The following SEPTIN6 variants were observed in gnomAD, a reference collection of about 807,000 sequenced individuals.
SEPTIN6 encodes septin-6.
A neutral mutation model predicts 33.6 loss-of-function variants in SEPTIN6; 8 were observed. The ratio of observed to expected loss-of-function variants is 0.24; its 90% CI spans 0.14 to 0.43. The LOEUF is 0.43. Ranked by LOEUF, SEPTIN6 falls within the 20% of genes least tolerant of loss-of-function variation. SEPTIN6 has a pLI of 1.00. For synonymous variants in SEPTIN6, 131 were observed against 140.0 expected, an observed-to-expected ratio of 0.94 and a Z score of 0.45; for missense variants, 250 against 340.8, an observed-to-expected ratio of 0.73 and a Z score of 2.10.
At chrX:119,623,122 G>T (rs768523792) in intron 10 of SEPTIN6, among the ~76,000 whole-genome samples, 2 of 112,038 alleles carry the variant, frequency 1.8e-5, no homozygotes, top group Non-Finnish European at 3.8e-5. Flanking sequence ...AATCAGTTTG[G>T]TGACTAACAG....
chrX:119,662,145 G>T (rs909745717), intron 3 of SEPTIN6, among the ~76,000 whole-genome samples: 1 of 109,753 alleles, frequency 9.1e-6, no homozygotes, highest in African/African-American at 3.3e-5. Context: ...TGAGGTTTTT[G>T]TCTTTAGCCC....
chrX:119,648,917 C>T (rs2054308259), intron 5 of SEPTIN6, among the ~76,000 whole-genome samples: 1 of 111,481 alleles, frequency 9.0e-6, no homozygotes, highest in Non-Finnish European at 1.9e-5. Context: ...TATTAGCTGT[C>T]TCCTTGAAAT....
chrX:119,660,176 C>T (rs895772988), intron 3 of SEPTIN6, among the ~76,000 whole-genome samples: 1 of 112,728 alleles, frequency 8.9e-6, no homozygotes, highest in Non-Finnish European at 1.9e-5. Flanking sequence ...TGCCCTGCCT[C>T]CAGCATCCTT....
intron 3 of SEPTIN6, among the ~76,000 whole-genome samples, chrX:119,657,521 C>T (rs1489907160): frequency 1.8e-5 from 2 of 110,758 alleles, no homozygotes; most frequent in Non-Finnish European, 3.8e-5. Flanking sequence ...TCTTTTTTAT[C>T]TATTTTTTAG....
Position 119,690,415 on chromosome X carries a change from G to A in SEPTIN6, c.30+2661C>T, listed in dbSNP as rs767520329. Among the ~76,000 whole-genome samples the A allele has an allele frequency of 4.6e-5, 5 of 107,556 alleles. No individual in the cohort carries two copies. In the South Asian group the frequency reaches 2.1e-3, roughly 45 times the overall value. The allele number at this position is 107,556 out of a possible 115,157, so 93.4% of individuals were successfully genotyped here. A position where few individuals can be genotyped will look rare whatever the true frequency, so the allele number is the denominator to read the frequency against. Reference sequence around the variant, plus strand: ...AGGGCACTTACTCGCATGGTACCACGTCTCAGAGCTCATTAAAAAGAATTC... The same window carrying A: ...AGGGCACTTACTCGCATGGTACCACATCTCAGAGCTCATTAAAAAGAATTC... On this transcript the variant is annotated intron_variant, in intron 1 of 10. Coordinates refer to ENST00000394610, the MANE Select transcript of SEPTIN6 (RefSeq NM_145799.4).
intron 1 of SEPTIN6, chrX:119,686,662 G>C: frequency 1.1e-6 from 1 of 912,154 alleles, no homozygotes; most frequent in South Asian, 2.0e-5. Context: ...GAGGAGGAAG[G>C]GTCTGTGTTT....
In SEPTIN6 at chrX:119,633,813, G is replaced by T. The variant is rs951869044; in HGVS notation, c.957-321C>A. 7.1e-5 allele frequency among the ~76,000 whole-genome samples: 8 copies of T among 112,412 alleles called. No homozygotes were observed. In the Admixed American group the frequency reaches 7.6e-4, roughly 11 times the overall value. On this transcript the variant is annotated intron_variant, in intron 7 of 10. Coordinates refer to ENST00000394610, the MANE Select transcript of SEPTIN6 (RefSeq NM_145799.4). ...AAGGCCCCACGGCTAGTTAGAGGGA[G>T]AACTTTGACCAGAAGCTGAGTCTCC... is the stretch of plus-strand genomic sequence containing the variant.
chrX:119,673,592 C>T (rs1284478261), intron 2 of SEPTIN6, among the ~76,000 whole-genome samples: 2 of 109,883 alleles, frequency 1.8e-5, no homozygotes, highest in African/African-American at 3.3e-5. Context: ...CTAGGCTGGG[C>T]GCGGTGGCTC....
chrX:119,682,718 A>G (rs1054714954), intron 1 of SEPTIN6, among the ~76,000 whole-genome samples: 1 of 109,955 alleles, frequency 9.1e-6, no homozygotes, highest in African/African-American at 3.3e-5. Flanking sequence ...CGAGTAGGCC[A>G]CCTCTGTCCC....
intron 8 of SEPTIN6, among the ~76,000 whole-genome samples, chrX:119,630,288 T>C (rs1212274753): frequency 2.7e-5 from 3 of 111,985 alleles, no homozygotes; most frequent in Admixed American, 1.9e-4. Context: ...GGAATTTGAC[T>C]ATGGTCAACC....
intron 10 of SEPTIN6, chrX:119,624,038 G>C (rs2053814129): frequency 3.0e-6 from 1 of 336,943 alleles, no homozygotes; most frequent in Non-Finnish European, 5.8e-6. Context: ...CTTACCTGCT[G>C]ATCTCCTTAT....
intron 2 of SEPTIN6, among the ~76,000 whole-genome samples, chrX:119,669,373 C>G (rs2054704185): frequency 8.9e-6 from 1 of 112,630 alleles, no homozygotes; most frequent in South Asian, 3.6e-4. Context: ...AAGTCTCTTC[C>G]AGTTCTGAAT....
chrX:119,639,379 T>G (rs751002462), intron 6 of SEPTIN6, among the ~76,000 whole-genome samples: 18 of 112,165 alleles, frequency 1.6e-4, no homozygotes, highest in Admixed American at 1.9e-4. Context: ...CTTGGCCTTG[T>G]CTTGTGCACT....
chrX:119,633,540 T>C, intron 7 of SEPTIN6, 48 bp from the exon 8 acceptor site: 1 of 1,154,799 alleles, frequency 8.7e-7, no homozygotes, highest in Non-Finnish European at 1.2e-6. Flanking sequence ...ATGATTCCTA[T>C]TTGATAAAAC....
At chrX:119,654,946 G>C (rs1398595092) in intron 3 of SEPTIN6, among the ~76,000 whole-genome samples, 2 of 111,518 alleles carry the variant, frequency 1.8e-5, no homozygotes, top group African/African-American at 6.5e-5. Context: ...GTATCCCCTA[G>C]GCTTATTTAA....
intron 2 of SEPTIN6, among the ~76,000 whole-genome samples, chrX:119,672,975 T>C (rs778849705): frequency 1.8e-5 from 2 of 111,896 alleles, no homozygotes; most frequent in Non-Finnish European, 3.8e-5. Flanking sequence ...TTTCTCTCCC[T>C]ATGAACAAGG....
At chrX:119,616,318 A>G, downstream of SEPTIN6, 1 of 316,272 alleles carries the variant, frequency 3.2e-6, no homozygotes, top group Non-Finnish European at 5.8e-6. Context: ...ATCGAACCAG[A>G]GAAATGTTTA....
In SEPTIN6 at chrX:119,666,068, T is replaced by C. The variant is rs1439382600; in HGVS notation, c.146-2391A>G. Among the ~76,000 whole-genome samples, 34 of 94,689 alleles carry C rather than the reference T, an allele frequency of 3.6e-4. No individual in the cohort carries two copies. The Admixed American group carries it at 4.1e-3, about 11-fold the overall frequency. The allele number at this position is 94,689 out of a possible 115,157, so 82.2% of individuals were successfully genotyped here. On this transcript the variant is annotated intron_variant, in intron 2 of 10. Transcript: ENST00000394610. ...CTGCACTCCAGCCTGGGCGACAGAG[T>C]GAGACTCCATCTCAAAAAAAAAAAA...
chrX:119,624,636 C>G (rs1216151440), intron 10 of SEPTIN6, among the ~76,000 whole-genome samples: 2 of 111,639 alleles, frequency 1.8e-5, no homozygotes, highest in African/African-American at 6.5e-5. Flanking sequence ...CTGACTGTGA[C>G]ATTGCAGGAC....
Sources: gnomAD v4.1 joint callset for allele counts (sites outside exome capture counted in the v4.1 genomes callset) on GRCh38, gnomAD v4.1.1 for gene constraint, MANE v1.5 for transcripts, NCBI Gene and HGNC (gene_info 2026-07-23, HGNC 2026-07-21) for gene names.